VPS13A: variants seen among roughly 807,000 people sequenced by gnomAD.
VPS13A encodes the protein intermembrane lipid transfer protein VPS13A.
VPS13A carries 264 observed loss-of-function variants against 390.9 expected under a neutral mutation model. That is an observed-to-expected ratio of 0.68 (90% CI 0.61 to 0.75). The LOEUF (loss-of-function observed/expected upper bound fraction) is 0.75. Among genes scored for constraint, VPS13A ranks in the 30% least tolerant of loss-of-function variants. VPS13A has a pLI of 0.00. For missense variants in VPS13A, 3,409 were observed against 3,733.9 expected (o/e 0.91, Z 2.27); for synonymous variants, 1,231 against 1,227.1 (o/e 1.00, Z -0.07).
intron 68 of VPS13A, chr9:77,382,767 A>C (rs1587699396): frequency 6.1e-6 from 6 of 985,650 alleles, no homozygotes; most frequent in African/African-American, 5.2e-5. Flanking sequence ...AACTTGTGGG[A>C]TTTGATAAGC....
rs779591400 is a variant in VPS13A, at chr9:77,319,597, G to A, written c.5339G>A (p.Gly1780Asp). ...GTGCATTATTATAATGAAATGTTTG[G>A]TGTATGGGAGCCTTTGCTTGAACCC... is the stretch of plus-strand genomic sequence containing the variant. ...LEVHYYNEMFGVWEPLLEPLE... is the reference protein window; with the variant it reads ...LEVHYYNEMFDVWEPLLEPLE... The change falls in exon 42 of 72, where the codon GGT becomes GAT. Residue 1780 changes from glycine (G) to aspartate (D), a missense_variant. Physicochemically the swap from Gly to Asp is moderately conservative, Grantham distance 94. This residue lies in a region of VPS13A where 2,717 missense variants were observed against 2,917.4 expected (regional missense o/e 0.93). Transcript: ENST00000360280. 5 of 1,609,920 alleles carry A rather than the reference G, an allele frequency of 3.1e-6. No homozygotes were observed. The South Asian group carries it at 5.5e-5, about 18-fold the overall frequency.
intron 59 of VPS13A, among the ~76,000 whole-genome samples, chr9:77,364,748 C>T (rs900388172): frequency 4.6e-5 from 7 of 152,144 alleles, no homozygotes; most frequent in Non-Finnish European, 8.8e-5. Flanking sequence ...TCTTCATTTG[C>T]TTATGACCTT....
chr9:77,206,080 G>A lies in VPS13A; in HGVS notation c.385+1G>A. 6.4e-7 allele frequency: 1 copy of A among 1,557,486 alleles called. No individual in the cohort carries two copies. The highest frequency in any genetic ancestry group is 2.3e-5 in the East Asian group (1 of 43,070). Reference sequence around the variant, plus strand: ...GCAAAACAAAAAGTAGTTGATCAAGGTAAAGAAAACAGTAAATAACAATGC... The same window carrying A: ...GCAAAACAAAAAGTAGTTGATCAAGATAAAGAAAACAGTAAATAACAATGC... On this transcript the variant is annotated splice_donor_variant, in intron 5 of 71. Transcript: ENST00000360280. LOFTEE classifies it high-confidence loss of function.
chr9:77,415,896 A>G (rs1835152137), intron 71 of VPS13A, 60 bp from the exon 72 acceptor site: 16 of 1,589,524 alleles, frequency 1.0e-5, no homozygotes, highest in Non-Finnish European at 1.4e-5. Context: ...CATTCATTAC[A>G]TTTTGTTTCA....
At chr9:77,260,608 G>A (rs1564673287) in intron 23 of VPS13A, among the ~76,000 whole-genome samples, 1 of 152,004 alleles carries the variant, frequency 6.6e-6, no homozygotes, top group Admixed American at 6.6e-5. Flanking sequence ...GCCCGCCTCG[G>A]CCTCCCAAAG....
At chr9:77,306,262 G>A (rs954722217) in intron 34 of VPS13A, among the ~76,000 whole-genome samples, 1 of 151,984 alleles carries the variant, frequency 6.6e-6, no homozygotes, top group African/African-American at 2.4e-5. Context: ...AAATATTGTG[G>A]GATTCAAATT....
intron 46 of VPS13A, among the ~76,000 whole-genome samples, chr9:77,336,802 C>CTTTTTTTTTTTTTTT (rs1221241397): frequency 9.3e-6 from 1 of 107,988 alleles, no homozygotes; most frequent in African/African-American, 3.4e-5. Flanking sequence ...ATTTATCTAT[C>CTTTTTTTTTTTTTTT]TTTTTTTTTT....
chr9:77,384,741 A>G, intron 68 of VPS13A: 1 of 1,549,730 alleles, frequency 6.5e-7, no homozygotes, highest in Non-Finnish European at 8.7e-7. Context: ...TGTATGACTT[A>G]TACCATAATG....
intron 71 of VPS13A, among the ~76,000 whole-genome samples, chr9:77,411,659 T>A (rs1587737165): frequency 7.2e-4 from 10 of 13,940 alleles, no homozygotes; most frequent in Admixed American, 2.3e-3. Flanking sequence ...AAACTCCATC[T>A]CAAAAAAAAA....
intron 68 of VPS13A, among the ~76,000 whole-genome samples, chr9:77,386,425 C>G (rs1833684582): frequency 6.6e-6 from 1 of 151,934 alleles, no homozygotes; most frequent in Admixed American, 6.6e-5. Context: ...TGTGCTTGGC[C>G]TGTGACACTT....
chr9:77,325,785 C>T (rs1829989382), intron 45 of VPS13A, among the ~76,000 whole-genome samples: 1 of 152,240 alleles, frequency 6.6e-6, no homozygotes, highest in African/African-American at 2.4e-5. Context: ...CACTTCTCAT[C>T]TCCCACATTC....
intron 50 of VPS13A, among the ~76,000 whole-genome samples, chr9:77,342,464 G>A (rs551303799): frequency 2.6e-5 from 4 of 151,092 alleles, no homozygotes; most frequent in Non-Finnish European, 5.9e-5. Flanking sequence ...TTGTTTATTG[G>A]TAACACAAAT....
chr9:77,267,521 C>T (rs532977211), intron 23 of VPS13A, among the ~76,000 whole-genome samples: 1 of 152,192 alleles, frequency 6.6e-6, no homozygotes, highest in Non-Finnish European at 1.5e-5. Flanking sequence ...AGATTGCTGC[C>T]TGTTCCTTCC....
intron 1 of VPS13A, among the ~76,000 whole-genome samples, chr9:77,178,371 C>G (rs942361864): frequency 6.6e-6 from 1 of 152,234 alleles, no homozygotes; most frequent in African/African-American, 2.4e-5. Flanking sequence ...CCCTTCCGGC[C>G]CTAGGACCCG....
chr9:77,275,641 G>C lies in VPS13A; in HGVS notation c.2656G>C (p.Glu886Gln), dbSNP rs1826616097. ...VNMTTFKIRF[E>Q]VPKVLIEFYH... Reference sequence around the variant, plus strand: ...TATGACTACATTTAAAATAAGATTTGAAGTACCAAAGGTAGGTACTACGGT... The same window carrying C: ...TATGACTACATTTAAAATAAGATTTCAAGTACCAAAGGTAGGTACTACGGT... The change falls in exon 25 of 72, where the codon GAA (glutamate) becomes CAA (glutamine). Residue 886 changes from glutamate to glutamine, a missense_variant. Physicochemically the swap from Glu to Gln is conservative, Grantham distance 29. Around this residue, in one of 5 missense-constraint regions of VPS13A, gnomAD observed 2,717 missense variants for 2,917.4 expected, o/e 0.93. Coordinates refer to ENST00000360280, the MANE Select transcript of VPS13A (RefSeq NM_033305.3). 1.9e-6 allele frequency: 3 copies of C among 1,613,340 alleles called. No individual in the cohort carries two copies. The highest frequency in any genetic ancestry group is 2.5e-6 in the Non-Finnish European group (3 of 1,179,542).
rs145632302 is a variant in VPS13A, at chr9:77,249,428, A to C, written c.2038-669A>C. The stretch of plus-strand genomic sequence containing the variant: ...GGCAATTTGCTTAACCTGTTACCTA[A>C]AATTTATTACTTTTCAAACAGAGAT... On this transcript the variant is annotated intron_variant, in intron 20 of 71. Coordinates refer to ENST00000360280, the MANE Select transcript of VPS13A (RefSeq NM_033305.3). Among the ~76,000 whole-genome samples, 3 of 152,318 alleles carry C rather than the reference A, an allele frequency of 2.0e-5. No individual in the cohort carries two copies. In the East Asian group the frequency reaches 5.8e-4, roughly 29 times the overall value.
chr9:77,397,019 C>T (rs1350183276), intron 68 of VPS13A, among the ~76,000 whole-genome samples: 1 of 152,158 alleles, frequency 6.6e-6, no homozygotes, highest in African/African-American at 2.4e-5. Flanking sequence ...GACGGAGTCT[C>T]GCTCTGTTGC....
intron 67 of VPS13A, among the ~76,000 whole-genome samples, chr9:77,375,210 T>G (rs1833001834): frequency 6.6e-6 from 1 of 152,084 alleles, no homozygotes; most frequent in Admixed American, 6.6e-5. Flanking sequence ...TATATTACCT[T>G]TAGGGATTGA....
At chr9:77,371,397 G>T (rs1199169688) in intron 67 of VPS13A, among the ~76,000 whole-genome samples, 1 of 152,046 alleles carries the variant, frequency 6.6e-6, no homozygotes, top group Admixed American at 6.6e-5. Context: ...TCATCCCATG[G>T]CAGAAGGACA....
Sources: allele counts gnomAD v4.1 joint callset (sites outside exome capture counted in the v4.1 genomes callset), GRCh38; gene constraint gnomAD v4.1.1; regional missense constraint gnomAD v4.1.1; transcripts MANE v1.5; gene names NCBI Gene and HGNC (gene_info 2026-07-23, HGNC 2026-07-21).